The following PITPNM3 variants were observed in gnomAD, a reference collection of about 807,000 sequenced individuals.
PITPNM3 encodes the protein membrane-associated phosphatidylinositol transfer protein 3.
A neutral mutation model predicts 102.0 loss-of-function variants in PITPNM3; 26 were observed. The ratio of observed to expected loss-of-function variants is 0.25; its 90% CI spans 0.19 to 0.35. The LOEUF (loss-of-function observed/expected upper bound fraction) is 0.35. Ranked by LOEUF, PITPNM3 falls within the 10% of genes least tolerant of loss-of-function variation. PITPNM3 has a pLI of 1.00. For missense variants in PITPNM3, 1,083 were observed against 1,346.1 expected, an observed-to-expected ratio of 0.80 and a Z score of 3.06; for synonymous variants, 578 against 558.6, an observed-to-expected ratio of 1.03 and a Z score of -0.49.
intron 18 of PITPNM3, 41 bp downstream of exon 18, chr17:6,461,332 C>T (rs1172972049): frequency 3.8e-6 from 6 of 1,598,730 alleles, no homozygotes; most frequent in African/African-American, 1.3e-5. Flanking sequence ...GAGGGCTGCG[C>T]TCTCAAGCCA....
intron 17 of PITPNM3, among the ~76,000 whole-genome samples, chr17:6,462,879 C>T (rs1002118520): frequency 6.7e-6 from 1 of 150,022 alleles, no homozygotes; most frequent in Non-Finnish European, 1.5e-5. Context: ...TTGGGGAGCA[C>T]CATGTGGAGC....
rs55984944 is a variant in PITPNM3 at position 6,451,892 on chromosome 17, C to CCAA, written c.*3445_*3446insTTG. Reference sequence around the variant, plus strand: ...ACCCAAACCCCCCCCCCCCGCCCGCCGATGGGATTCGGTGGGAAAGTTGGT... The same window carrying CCAA: ...ACCCAAACCCCCCCCCCCCGCCCGCCCAAGATGGGATTCGGTGGGAAAGTTGGT... On this transcript the variant is annotated 3_prime_UTR_variant, in exon 20 of 20. Transcript: ENST00000262483. 4.2e-5 allele frequency: 4 copies of CCAA among 94,440 alleles called. No individual in the cohort carries two copies. Among genetic ancestry groups the CCAA allele is most frequent in the Admixed American group, 1.3e-4 (1 of 7,894 alleles). 5.9% of individuals were successfully genotyped at this position (94,440 alleles called of 1,614,324 possible).
intron 10 of PITPNM3, 148 bp downstream of exon 10, chr17:6,474,284 C>T: frequency 1.7e-6 from 2 of 1,165,644 alleles, no homozygotes; most frequent in Non-Finnish European, 2.5e-6. Context: ...CCTCCTCTTC[C>T]CCACCCTCTC....
At position 6,472,430 on chromosome 17, in the gene PITPNM3, G is replaced by C. The variant is rs1399796824; in HGVS notation, c.1429+227C>G. Among the ~76,000 whole-genome samples the C allele has an allele frequency of 6.6e-6, 1 of 152,230 alleles. No individual in the cohort carries two copies. The highest frequency in any genetic ancestry group is 2.4e-5 in the African/African-American group (1 of 41,456). On this transcript the variant is annotated intron_variant, in intron 11 of 19. Coordinates refer to ENST00000262483, the MANE Select transcript of PITPNM3 (RefSeq NM_031220.4). This position sits in a 1 kb window ranked among gnomAD's most constrained non-coding sequence, Gnocchi z 4.1. ...CAAGTTTACACCAGCCCTGGCCACA[G>C]GAGTGTGTCCGGGAGCCTGTTGGGG...
In PITPNM3 at chr17:6,472,371, C is replaced by T. The variant is rs1422543812; in HGVS notation, c.1429+286G>A. ...CTCATAAAAAAAATAGATTGGAGCA[C>T]GGATCCCTGGACCCGCCATCAGCTC... On this transcript the variant is annotated intron_variant, in intron 11 of 19. Coordinates refer to ENST00000262483, the MANE Select transcript of PITPNM3 (RefSeq NM_031220.4). This position sits in a 1 kb window ranked among gnomAD's most constrained non-coding sequence, Gnocchi z 4.1. Among the ~76,000 whole-genome samples the T allele has an allele frequency of 2.0e-5, 3 of 152,146 alleles. No individual in the cohort carries two copies. The highest frequency in any genetic ancestry group is 2.9e-5 in the Non-Finnish European group (2 of 68,022).
chr17:6,504,023 C>T (rs974336267), intron 3 of PITPNM3, among the ~76,000 whole-genome samples: 10 of 152,156 alleles, frequency 6.6e-5, no homozygotes, highest in Admixed American at 2.6e-4. Context: ...GCCCCCCAGA[C>T]GTCTTCTGTG....
chr17:6,455,262 A>G lies in PITPNM3; in HGVS notation c.*76T>C. The G allele has an allele frequency of 1.4e-6, 2 of 1,476,488 alleles. No homozygotes were observed. Among genetic ancestry groups the G allele is most frequent in the African/African-American group, 1.4e-5 (1 of 70,888 alleles). 91.5% of individuals were successfully genotyped at this position (1,476,488 alleles called of 1,614,324 possible). A position where few individuals can be genotyped will look rare whatever the true frequency, so the allele number is the denominator to read the frequency against. ...AAGCAGGAAAACGCCTGTGTCGGGGAGAGGGCAGCCCCCTCCCGTCCCCGC... is the reference window on the plus strand; with the variant it reads ...AAGCAGGAAAACGCCTGTGTCGGGGGGAGGGCAGCCCCCTCCCGTCCCCGC... On this transcript the variant is annotated 3_prime_UTR_variant, in exon 20 of 20. Coordinates refer to ENST00000262483, the MANE Select transcript of PITPNM3 (RefSeq NM_031220.4).
Position 6,468,322 on chromosome 17 carries a change from A to C in PITPNM3, c.1793T>G (p.Val598Gly). ...ILRQVMRYES[V>G]NIKESARLDP... Reference sequence around the variant, plus strand: ...CAGGCGGGCGCTTTCCTTGATGTTCACGCTCTCATAGCGCATTACCTAGCC... The same window carrying C: ...CAGGCGGGCGCTTTCCTTGATGTTCCCGCTCTCATAGCGCATTACCTAGCC... Residue 598 changes from valine to glycine, a missense_variant, in exon 14 of 20, where the codon GTG becomes GGG. By Grantham distance (109) the Val-to-Gly change is moderately radical (BLOSUM62 -3). Coordinates refer to ENST00000262483, the MANE Select transcript of PITPNM3 (RefSeq NM_031220.4). This position sits in a 1 kb window ranked among gnomAD's most constrained non-coding sequence, Gnocchi z 5.2. The C allele has an allele frequency of 1.2e-6, 2 of 1,614,058 alleles. No homozygotes were observed. Among genetic ancestry groups the C allele is most frequent in the South Asian group, 1.1e-5 (1 of 91,078 alleles).
chr17:6,535,611 A>G lies in PITPNM3; in HGVS notation c.118+2376T>C, dbSNP rs1025072842. On this transcript the variant is annotated intron_variant, in intron 2 of 19. Transcript: ENST00000262483. ...AAGACGGGAGAGTCTGGGATCCCGA[A>G]AAAAGGGAGAAGAAAAAAAGGAAGT... Among the ~76,000 whole-genome samples, 19 of 152,052 alleles carry G rather than the reference A, an allele frequency of 1.2e-4. 1 individual carries two copies. The highest frequency in any genetic ancestry group is 6.5e-5 in the Admixed American group (1 of 15,272).
intron 9 of PITPNM3, among the ~76,000 whole-genome samples, chr17:6,476,177 G>T (rs1474755078): frequency 6.6e-6 from 1 of 151,904 alleles, no homozygotes. Context: ...AAAATAAAAC[G>T]ATCTTAAAAG....
chr17:6,495,712 A>T (rs1253915278), intron 4 of PITPNM3, among the ~76,000 whole-genome samples: 1 of 151,634 alleles, frequency 6.6e-6, no homozygotes, highest in East Asian at 2.0e-4. Flanking sequence ...AGACCCCTGG[A>T]GTTTTGAGGC....
At position 6,472,898 on chromosome 17, in the gene PITPNM3, G is replaced by A. The variant is rs1218802753; in HGVS notation, c.1259-71C>T. The stretch of plus-strand genomic sequence containing the variant: ...CTCCCTGGGCCCTAGGAGGCTCCCT[G>A]GAATGCAGCCTGGAGTAGCCTACTC... On this transcript the variant is annotated intron_variant, in intron 10 of 19. Coordinates refer to ENST00000262483, the MANE Select transcript of PITPNM3 (RefSeq NM_031220.4). This position sits in a 1 kb window ranked among gnomAD's most constrained non-coding sequence, Gnocchi z 4.1. 3 of 1,562,576 alleles carry A rather than the reference G, an allele frequency of 1.9e-6. No individual in the cohort carries two copies. Among genetic ancestry groups the A allele is most frequent in the Non-Finnish European group, 2.6e-6 (3 of 1,144,240 alleles).
At position 6,455,339 on chromosome 17, in the gene PITPNM3, C is replaced by A; in HGVS notation, c.2924G>T (p.Ter975LeuextTer59). Residue 975 changes from the stop codon to leucine, a stop_lost, in exon 20 of 20, where the codon TGA becomes TTA. Coordinates refer to ENST00000262483, the MANE Select transcript of PITPNM3 (RefSeq NM_031220.4). ...CCTGCTCTGAGCACAGCCCACCCCT[C>A]AGGGCACCGACTCGAACTTGGGGGG... ...RGPPKFESVP[*>L] 1 of 1,575,028 alleles carries A rather than the reference C, an allele frequency of 6.3e-7. No homozygotes were observed. The highest frequency in any genetic ancestry group is 8.6e-7 in the Non-Finnish European group (1 of 1,162,468).
At chr17:6,485,644 T>C (rs1906049263) in intron 4 of PITPNM3, among the ~76,000 whole-genome samples, 1 of 152,238 alleles carries the variant, frequency 6.6e-6, no homozygotes, top group Admixed American at 6.5e-5. Context: ...AGGTCGGCAT[T>C]TGAAACATTA....
intron 1 of PITPNM3, among the ~76,000 whole-genome samples, chr17:6,540,258 C>A (rs528817139): frequency 1.3e-5 from 2 of 152,158 alleles, no homozygotes; most frequent in African/African-American, 4.8e-5. Context: ...GGGGAATGGA[C>A]AGGATTGGGT....
intron 16 of PITPNM3, 95 bp downstream of exon 16, chr17:6,464,075 C>G: frequency 6.3e-7 from 1 of 1,590,902 alleles, no homozygotes; most frequent in Non-Finnish European, 8.6e-7. Context: ...TGGGGGCCCA[C>G]AAAGAACCCC....
In PITPNM3 at chr17:6,472,910, G is replaced by A; in HGVS notation, c.1259-83C>T. On this transcript the variant is annotated intron_variant, in intron 10 of 19. Transcript: ENST00000262483. The surrounding 1 kb of genome is among the most constrained non-coding windows in gnomAD (Gnocchi z 4.1). The stretch of plus-strand genomic sequence containing the variant: ...TAGGAGGCTCCCTGGAATGCAGCCT[G>A]GAGTAGCCTACTCCCCTCTCAAGAG... 6.6e-7 allele frequency: 1 copy of A among 1,509,098 alleles called. No individual in the cohort carries two copies. Among genetic ancestry groups the A allele is most frequent in the Non-Finnish European group, 9.1e-7 (1 of 1,101,574 alleles). The allele number at this position is 1,509,098 out of a possible 1,614,324, so 93.5% of individuals were successfully genotyped here. A position where few individuals can be genotyped will look rare whatever the true frequency, so the allele number is the denominator to read the frequency against.
At chr17:6,553,121 G>C (rs1006267507) in intron 1 of PITPNM3, among the ~76,000 whole-genome samples, 3 of 152,018 alleles carry the variant, frequency 2.0e-5, no homozygotes, top group Admixed American at 6.6e-5. Context: ...CCATCTCCCA[G>C]AGAAACCCAG....
intron 18 of PITPNM3, among the ~76,000 whole-genome samples, chr17:6,460,135 TG>T (rs1904374017): frequency 6.6e-6 from 1 of 152,194 alleles, no homozygotes; most frequent in African/African-American, 2.4e-5. Context: ...TTGCCAAGTT[TG>T]GGCCCCTGAT....
Sources: allele counts gnomAD v4.1 joint callset (sites outside exome capture counted in the v4.1 genomes callset), GRCh38; gene constraint gnomAD v4.1.1; non-coding constraint Gnocchi (gnomAD v3.1); transcripts MANE v1.5; gene names NCBI Gene and HGNC (gene_info 2026-07-23, HGNC 2026-07-21).